The following MCU variants were observed in gnomAD, a reference collection of about 807,000 sequenced individuals.
MCU encodes the protein mitochondrial calcium uniporter.
In MCU, 12 loss-of-function variants were observed where a neutral mutation model predicts 45.2. The ratio of observed to expected loss-of-function variants is 0.27; its 90% CI spans 0.17 to 0.43. The LOEUF is 0.43. MCU is among the 20% of genes least tolerant of loss of function. The pLI is 1.00. For synonymous variants in MCU, 160 were observed against 165.1 expected (o/e 0.97, Z 0.24); for missense variants, 324 against 436.7 (o/e 0.74, Z 2.30).
chr10:72,723,037 A>G (rs1278810381), intron 1 of MCU, among the ~76,000 whole-genome samples: 1 of 152,086 alleles, frequency 6.6e-6, no homozygotes, highest in East Asian at 1.9e-4. Flanking sequence ...TCTACTAAAG[A>G]TACAAAAAAT....
chr10:72,744,771 G>C (rs1256107976), intron 1 of MCU, among the ~76,000 whole-genome samples: 1 of 152,170 alleles, frequency 6.6e-6, no homozygotes, highest in African/African-American at 2.4e-5. Flanking sequence ...AGCTCTCTTT[G>C]AGCTACCCTG....
At chr10:72,695,210 C>G (rs1842670911) in intron 1 of MCU, among the ~76,000 whole-genome samples, 1 of 152,198 alleles carries the variant, frequency 6.6e-6, no homozygotes, top group African/African-American at 2.4e-5. Context: ...TAGCAGTTAA[C>G]GGCTATGCTG....
At position 72,702,306 on chromosome 10, in the gene MCU, A is replaced by G. The variant is rs146272987; in HGVS notation, c.150+10005A>G. Among the ~76,000 whole-genome samples, 768 of 152,272 alleles carry G rather than the reference A, an allele frequency of 5.0e-3. 4 individuals are homozygous for G. The highest frequency in any genetic ancestry group is 7.3e-3 in the Non-Finnish European group (495 of 68,018). ...AAGAAAAAAATAAGTCCCATCCAGT[A>G]AACCTGGTAATTACTGAGTTGCTTC... On this transcript the variant is annotated intron_variant, in intron 1 of 7. Coordinates refer to ENST00000373053, the MANE Select transcript of MCU (RefSeq NM_138357.3).
rs144439393 is a variant in MCU at position 72,775,329 on chromosome 10, G to A, written c.151-59030G>A. ...ATGAAAAAATTAGGAAAATTAAAAA[G>A]TTTCCTGAAACAAATGAAAATGGAA... On this transcript the variant is annotated intron_variant, in intron 1 of 7. Coordinates refer to ENST00000373053, the MANE Select transcript of MCU (RefSeq NM_138357.3). Among the ~76,000 whole-genome samples the A allele has an allele frequency of 6.0e-3, 906 of 152,082 alleles. 12 individuals are homozygous for A. The highest frequency in any genetic ancestry group is 0.021 in the African/African-American group (854 of 41,514).
intron 1 of MCU, chr10:72,736,648 C>G (rs759618040): frequency 6.6e-6 from 1 of 152,170 alleles, no homozygotes; most frequent in Non-Finnish European, 1.5e-5. Flanking sequence ...CCTCCTCCTG[C>G]CATTATTATC....
chr10:72,703,778 C>G (rs1842785831), intron 1 of MCU, among the ~76,000 whole-genome samples: 1 of 152,022 alleles, frequency 6.6e-6, no homozygotes. Context: ...CACCTATAAT[C>G]CCAGCTACTC....
chr10:72,861,241 G>A (rs932999992), intron 4 of MCU, among the ~76,000 whole-genome samples: 4 of 151,928 alleles, frequency 2.6e-5, no homozygotes, highest in African/African-American at 9.7e-5. Flanking sequence ...ACCCAGGCTG[G>A]TCTTGAACTT....
intron 1 of MCU, chr10:72,715,068 C>T: frequency 1.8e-6 from 1 of 565,696 alleles, no homozygotes. Context: ...CTCAAGAGGG[C>T]CTTTACCTTT....
chr10:72,841,960 G>A (rs1156541341), intron 2 of MCU, among the ~76,000 whole-genome samples: 2 of 152,124 alleles, frequency 1.3e-5, no homozygotes, highest in Non-Finnish European at 1.5e-5. Flanking sequence ...GGGATATTTC[G>A]GGCTTTATGA....
chr10:72,733,590 A>G (rs1432009722), intron 1 of MCU, among the ~76,000 whole-genome samples: 1 of 152,086 alleles, frequency 6.6e-6, no homozygotes, highest in Non-Finnish European at 1.5e-5. Context: ...GGTTGTTGTG[A>G]ATATAAAATG....
intron 1 of MCU, among the ~76,000 whole-genome samples, chr10:72,803,695 CCTAT>C (rs1039597685): frequency 9.2e-5 from 14 of 151,792 alleles, no homozygotes; most frequent in Non-Finnish European, 2.1e-4. Context: ...CAACACATAG[CCTAT>C]CTTATTTCAT....
Position 72,787,089 on chromosome 10 carries a change from G to A in MCU, c.151-47270G>A, listed in dbSNP as rs115286098. 5.9e-3 allele frequency among the ~76,000 whole-genome samples: 906 copies of A among 152,288 alleles called. 12 individuals are homozygous for A. The highest frequency in any genetic ancestry group is 0.021 in the African/African-American group (854 of 41,560). ...ATAATGTAATAAAAATTATTTTCAT[G>A]TTAAGCTAAACAAAACATGATTTGA... On this transcript the variant is annotated intron_variant, in intron 1 of 7. Coordinates refer to ENST00000373053, the MANE Select transcript of MCU (RefSeq NM_138357.3).
intron 1 of MCU, among the ~76,000 whole-genome samples, chr10:72,810,151 A>G (rs1324280048): frequency 6.6e-6 from 1 of 152,152 alleles, no homozygotes; most frequent in Non-Finnish European, 1.5e-5. Flanking sequence ...GAACTAACTG[A>G]AGAAGTAAAG....
At chr10:72,724,815 T>G (rs942405174) in intron 1 of MCU, among the ~76,000 whole-genome samples, 1 of 152,222 alleles carries the variant, frequency 6.6e-6, no homozygotes, top group Non-Finnish European at 1.5e-5. Context: ...AGATGGATTC[T>G]TCGTTACTAG....
intron 1 of MCU, among the ~76,000 whole-genome samples, chr10:72,739,242 G>A (rs1190588283): frequency 6.6e-6 from 1 of 152,124 alleles, no homozygotes; most frequent in East Asian, 1.9e-4. Flanking sequence ...GGAATGACCA[G>A]TTTACATTAC....
chr10:72,783,849 C>G (rs1844031925), intron 1 of MCU, among the ~76,000 whole-genome samples: 1 of 152,018 alleles, frequency 6.6e-6, no homozygotes, highest in African/African-American at 2.4e-5. Flanking sequence ...GAGGATGTTG[C>G]TTGTTTCTTT....
intron 1 of MCU, among the ~76,000 whole-genome samples, chr10:72,796,054 G>A (rs1176976689): frequency 6.6e-6 from 1 of 152,038 alleles, no homozygotes; most frequent in Non-Finnish European, 1.5e-5. Context: ...TCCACCAAGA[G>A]TTTCTCACAA....
intron 1 of MCU, among the ~76,000 whole-genome samples, chr10:72,732,072 T>G (rs1213590636): frequency 6.6e-6 from 1 of 152,202 alleles, no homozygotes; most frequent in African/African-American, 2.4e-5. Flanking sequence ...CCACTAACAA[T>G]GTATGAGGGT....
At chr10:72,810,634 G>GGTTGTTGTTGTTGTT (rs71021536) in intron 1 of MCU, among the ~76,000 whole-genome samples, 8 of 146,780 alleles carry the variant, frequency 5.5e-5, no homozygotes, top group South Asian at 2.2e-4. Context: ...CGCCCAGCTA[G>GGTTGTTGTTGTTGTT]GTTGTTGTTG....
Sources: allele counts gnomAD v4.1 joint callset (sites outside exome capture counted in the v4.1 genomes callset), GRCh38; gene constraint gnomAD v4.1.1; transcripts MANE v1.5; gene names NCBI Gene and HGNC (gene_info 2026-07-23, HGNC 2026-07-21).